HYAL4: variants seen among roughly 807,000 people sequenced by gnomAD.
HYAL4 encodes hyaluronidase 4.
Under a neutral mutation model 35.2 loss-of-function variants are expected in HYAL4, and 37 were observed. The ratio of observed to expected loss-of-function variants is 1.05; its 90% CI spans 0.81 to 1.38. The LOEUF is 1.38. Among genes scored for constraint, HYAL4 ranks in the 40% most tolerant of loss-of-function variants. The pLI is 0.00. For missense variants in HYAL4, 572 were observed against 572.4 expected, an observed-to-expected ratio of 1.00 and a Z score of 0.01; for synonymous variants, 198 against 203.2, an observed-to-expected ratio of 0.97 and a Z score of 0.22.
the HYAL4 span, among the ~76,000 whole-genome samples, chr7:123,778,187 A>ATCTG: frequency 2.7e-5 from 4 of 150,784 alleles, no homozygotes; most frequent in African/African-American, 9.8e-5. Flanking sequence ...CTATCTATCT[A>ATCTG]TCTATCTATC....
chr7:123,865,740 A>G (rs1418008190), intron 2 of HYAL4, among the ~76,000 whole-genome samples: 1 of 152,200 alleles, frequency 6.6e-6, no homozygotes, highest in Non-Finnish European at 1.5e-5. Context: ...AATTACACAC[A>G]ACATGTAGCA....
At chr7:123,788,460 A>G in the HYAL4 span, among the ~76,000 whole-genome samples, 2 of 152,238 alleles carry the variant, frequency 1.3e-5, no homozygotes, top group Non-Finnish European at 2.9e-5. Context: ...TGAACAAGGA[A>G]TATTGGTTAT....
intron 2 of HYAL4, 32 bp downstream of exon 2, chr7:123,848,190 A>C (rs1016928063): frequency 2.0e-5 from 3 of 152,638 alleles, no homozygotes; most frequent in South Asian, 4.1e-4. Context: ...TGTTTGTAAA[A>C]ATTTTAAAAA....
the HYAL4 span, among the ~76,000 whole-genome samples, chr7:123,800,430 A>G: frequency 6.7e-4 from 100 of 150,108 alleles, 1 homozygote; most frequent in Non-Finnish European, 1.1e-3. Context: ...CGGCCTCCCA[A>G]AATGCTGGGA....
the HYAL4 span, among the ~76,000 whole-genome samples, chr7:123,808,311 C>T: frequency 6.6e-6 from 1 of 152,106 alleles, no homozygotes; most frequent in East Asian, 1.9e-4. Flanking sequence ...ATGTGTTTCC[C>T]TGATAAGACT....
At chr7:123,870,364 GA>G (rs1054630149) in intron 3 of HYAL4, among the ~76,000 whole-genome samples, 3 of 151,840 alleles carry the variant, frequency 2.0e-5, no homozygotes, top group Non-Finnish European at 4.4e-5. Flanking sequence ...AAGGAGGAAG[GA>G]AAAAAAGTCT....
At chr7:123,860,359 A>G (rs903811670) in intron 2 of HYAL4, among the ~76,000 whole-genome samples, 15 of 152,146 alleles carry the variant, frequency 9.9e-5, no homozygotes, top group African/African-American at 3.6e-4. Context: ...ACAAATTATT[A>G]TACTGTGTAC....
the HYAL4 span, among the ~76,000 whole-genome samples, chr7:123,820,327 TA>T: frequency 2.6e-5 from 4 of 152,126 alleles, no homozygotes. Context: ...GTAATCCCTG[TA>T]ATCCCAGCAC....
chr7:123,869,500 T>G (rs1806806260), intron 3 of HYAL4, among the ~76,000 whole-genome samples: 2 of 152,152 alleles, frequency 1.3e-5, no homozygotes, highest in South Asian at 4.1e-4. Flanking sequence ...CACACCAACT[T>G]TAACTGTACT....
chr7:123,876,751 T>G lies in HYAL4; in HGVS notation c.1045-3T>G. The G allele has an allele frequency of 6.2e-7, 1 of 1,606,138 alleles. No homozygotes were observed. The highest frequency in any genetic ancestry group is 1.1e-5 in the South Asian group (1 of 90,752). On this transcript the variant is annotated splice_region_variant and splice_polypyrimidine_tract_variant and intron_variant, in intron 4 of 4. Coordinates refer to ENST00000223026, the MANE Select transcript of HYAL4 (RefSeq NM_012269.3). ...TAAAATTGATTTCTTCCTACATTTC[T>G]AGGCCAACTGTACAAAGGTGAAGCA...
At chr7:123,800,371 G>A in the HYAL4 span, among the ~76,000 whole-genome samples, 4 of 148,736 alleles carry the variant, frequency 2.7e-5, no homozygotes, top group African/African-American at 9.8e-5. Flanking sequence ...GGGTTTCACC[G>A]TGTTAGCCAG....
At chr7:123,827,382 T>C (rs1238390224), upstream of HYAL4, among the ~76,000 whole-genome samples, 1 of 152,190 alleles carries the variant, frequency 6.6e-6, no homozygotes, top group Non-Finnish European at 1.5e-5. Flanking sequence ...GCCAGTGTTC[T>C]GTGTTGTCTT....
chr7:123,811,428 C>T, the HYAL4 span, among the ~76,000 whole-genome samples: 502 of 152,250 alleles, frequency 3.3e-3, 2 homozygotes, highest in African/African-American at 0.011. Flanking sequence ...TTTTAATTTG[C>T]AATTCTCTAA....
At chr7:123,813,324 T>C in the HYAL4 span, among the ~76,000 whole-genome samples, 1 of 152,196 alleles carries the variant, frequency 6.6e-6, no homozygotes, top group Non-Finnish European at 1.5e-5. Context: ...AACTATTAGA[T>C]AGTCCTTATA....
At chr7:123,808,006 C>T in the HYAL4 span, among the ~76,000 whole-genome samples, 3 of 150,566 alleles carry the variant, frequency 2.0e-5, no homozygotes, top group Non-Finnish European at 4.4e-5. Context: ...ACTTCTTGGG[C>T]TCAAACAATA....
chr7:123,806,334 T>C, the HYAL4 span, among the ~76,000 whole-genome samples: 47,370 of 152,060 alleles, frequency 0.31, 8,156 homozygotes, highest in South Asian at 0.38. Context: ...GTAATGAAGG[T>C]TTTCCTTTCG....
At chr7:123,863,745 G>T (rs544676096) in intron 2 of HYAL4, among the ~76,000 whole-genome samples, 1 of 152,152 alleles carries the variant, frequency 6.6e-6, no homozygotes, top group African/African-American at 2.4e-5. Context: ...GTCCAGACTG[G>T]TATTCTGTGA....
rs764427808 is a variant in HYAL4 at position 123,877,097 on chromosome 7, G to A, written c.1388G>A (p.Gly463Asp). 3.7e-6 allele frequency: 6 copies of A among 1,614,152 alleles called. No individual in the cohort carries two copies. Among genetic ancestry groups the A allele is most frequent in the Non-Finnish European group, 5.1e-6 (6 of 1,180,026 alleles). ...DGCSGVSPSP[G>D]SLMTLCLLLL... ...TGCTCTGGGGTTTCCCCTTCTCCTGGTTCACTAATGACACTTTGTCTACTG... is the reference window on the plus strand; with the variant it reads ...TGCTCTGGGGTTTCCCCTTCTCCTGATTCACTAATGACACTTTGTCTACTG... The change falls in exon 5 of 5, where the codon GGT becomes GAT. Residue 463 changes from glycine (G) to aspartate (D), a missense_variant. Physicochemically the swap from Gly to Asp is moderately conservative, Grantham distance 94. Coordinates refer to ENST00000223026, the MANE Select transcript of HYAL4 (RefSeq NM_012269.3).
At chr7:123,839,658 CT>C (rs1201463459) in intron 1 of HYAL4, among the ~76,000 whole-genome samples, 1 of 152,150 alleles carries the variant, frequency 6.6e-6, no homozygotes, top group Non-Finnish European at 1.5e-5. Flanking sequence ...TGTTTCCTGA[CT>C]TTTTAATGAT....
Sources: allele counts gnomAD v4.1 joint callset (sites outside exome capture counted in the v4.1 genomes callset), GRCh38; gene constraint gnomAD v4.1.1; transcripts MANE v1.5; gene names NCBI Gene and HGNC (gene_info 2026-07-23, HGNC 2026-07-21).